Variants in NT5DC1 observed in about 807,000 individuals in gnomAD.
The protein encoded by NT5DC1 is 5'-nucleotidase domain containing 1.
In NT5DC1, 42 loss-of-function variants were observed where a neutral mutation model predicts 59.4. The observed-to-expected ratio is 0.71, with a 90% CI of 0.55 to 0.92. The LOEUF (loss-of-function observed/expected upper bound fraction) is 0.92, where lower values mean the gene tolerates loss of function less well. Among genes scored for constraint, NT5DC1 ranks in the 40% least tolerant of loss-of-function variants. NT5DC1 has a pLI of 0.00. For synonymous variants in NT5DC1, 172 were observed against 188.1 expected (o/e 0.91, Z 0.70); for missense variants, 501 against 537.1 (o/e 0.93, Z 0.66).
At position 116,236,980 on chromosome 6, in the gene NT5DC1, C is replaced by G. The variant is rs908702885; in HGVS notation, c.817C>G (p.Gln273Glu). ...TGTATTTTCAGAGAATGATGAGGAG[C>G]AGGAGGCACTGCCATCTCTGGATAA... ...PFRTLENDEEQEALPSLDKPG... is the reference protein window; with the variant it reads ...PFRTLENDEEEEALPSLDKPG... Residue 273 changes from glutamine to glutamate, a missense_variant, in exon 9 of 12, where the codon CAG becomes GAG. By Grantham distance (29) the Gln-to-Glu change is conservative (BLOSUM62 2). Transcript: ENST00000319550. 5.0e-6 allele frequency: 8 copies of G among 1,597,016 alleles called. No homozygotes were observed. Among genetic ancestry groups the G allele is most frequent in the Non-Finnish European group, 6.9e-6 (8 of 1,164,670 alleles).
At chr6:116,170,955 T>C (rs1331747328) in intron 6 of NT5DC1, among the ~76,000 whole-genome samples, 1 of 152,196 alleles carries the variant, frequency 6.6e-6, no homozygotes, top group Non-Finnish European at 1.5e-5. Flanking sequence ...CATTCTGTAT[T>C]TGACCTGCCC....
chr6:116,143,943 C>T (rs1226491526), intron 6 of NT5DC1, among the ~76,000 whole-genome samples: 6 of 152,088 alleles, frequency 3.9e-5, no homozygotes, highest in Non-Finnish European at 5.9e-5. Flanking sequence ...TAATAAAGAA[C>T]TGATGTGAGT....
At chr6:116,114,517 T>A (rs1778929351) in intron 4 of NT5DC1, among the ~76,000 whole-genome samples, 1 of 108,598 alleles carries the variant, frequency 9.2e-6, no homozygotes, top group African/African-American at 3.6e-5. Flanking sequence ...CTCATATACA[T>A]AGCTTGCAAA....
chr6:116,227,424 A>G (rs965192990), intron 8 of NT5DC1, among the ~76,000 whole-genome samples: 32 of 152,188 alleles, frequency 2.1e-4, no homozygotes, highest in African/African-American at 7.7e-4. Context: ...TGCTGTAATG[A>G]ACATGGGAGT....
At position 116,128,083 on chromosome 6, in the gene NT5DC1, C is replaced by CA. The variant is rs546837330; in HGVS notation, c.529+10145dup. On this transcript the variant is annotated intron_variant, in intron 6 of 11. Coordinates refer to ENST00000319550, the MANE Select transcript of NT5DC1 (RefSeq NM_152729.3). ...CTCCAGTTAGTACTTATTAGAGACA[C>CA]AAAAAAATCCATACCAGGAGGTTGT... 2.6e-3 allele frequency among the ~76,000 whole-genome samples: 399 copies of CA among 152,104 alleles called. 10 individuals carry two copies. The South Asian group carries it at 0.043, about 17-fold the overall frequency.
At chr6:116,143,426 A>G (rs1486035491) in intron 6 of NT5DC1, among the ~76,000 whole-genome samples, 2 of 152,030 alleles carry the variant, frequency 1.3e-5, no homozygotes, top group African/African-American at 4.8e-5. Context: ...GTTGGCCAGG[A>G]TGGTCTTGAT....
intron 8 of NT5DC1, among the ~76,000 whole-genome samples, chr6:116,228,947 G>T (rs1346495506): frequency 2.0e-5 from 3 of 152,112 alleles, no homozygotes; most frequent in Non-Finnish European, 2.9e-5. Context: ...ATATACTGAT[G>T]GTTGACATTT....
At chr6:116,189,302 T>C (rs1781069623) in intron 6 of NT5DC1, among the ~76,000 whole-genome samples, 1 of 151,926 alleles carries the variant, frequency 6.6e-6, no homozygotes, top group Non-Finnish European at 1.5e-5. Context: ...GTATATTTTT[T>C]CCCTCATTTT....
intron 6 of NT5DC1, among the ~76,000 whole-genome samples, chr6:116,140,832 C>G (rs990356371): frequency 7.9e-5 from 12 of 152,106 alleles, no homozygotes; most frequent in African/African-American, 2.4e-4. Context: ...TCATTTTTCA[C>G]TGCTCTGTAG....
intron 6 of NT5DC1, among the ~76,000 whole-genome samples, chr6:116,162,136 G>T (rs1436623246): frequency 6.6e-6 from 1 of 152,120 alleles, no homozygotes; most frequent in African/African-American, 2.4e-5. Context: ...TGTATCCTGA[G>T]ACTTTAGCAA....
At chr6:116,205,723 T>C (rs1251317107) in intron 6 of NT5DC1, among the ~76,000 whole-genome samples, 1 of 152,026 alleles carries the variant, frequency 6.6e-6, no homozygotes, top group Non-Finnish European at 1.5e-5. Flanking sequence ...TTTTCACTAA[T>C]TGTATTTACA....
At chr6:116,221,403 A>G (rs1025350000) in intron 7 of NT5DC1, among the ~76,000 whole-genome samples, 175 bp downstream of exon 7, 3 of 152,174 alleles carry the variant, frequency 2.0e-5, no homozygotes, top group African/African-American at 4.8e-5. Context: ...CAGCCCAACC[A>G]AGTACATTTT....
intron 8 of NT5DC1, among the ~76,000 whole-genome samples, chr6:116,226,887 A>C (rs1033818780): frequency 6.6e-6 from 1 of 152,112 alleles, no homozygotes; most frequent in Non-Finnish European, 1.5e-5. Flanking sequence ...TATGTTGTAC[A>C]ACATGGTATT....
At chr6:116,121,260 C>T (rs763133024) in intron 6 of NT5DC1, 10 of 1,613,800 alleles carry the variant, frequency 6.2e-6, no homozygotes, top group African/African-American at 1.3e-5. Flanking sequence ...ATTCCTGGAG[C>T]CCCAGGGAGA....
intron 8 of NT5DC1, among the ~76,000 whole-genome samples, chr6:116,230,645 T>C (rs1782000982): frequency 6.6e-6 from 1 of 152,228 alleles, no homozygotes; most frequent in Non-Finnish European, 1.5e-5. Context: ...GCCTTCTCCC[T>C]TTCCTCTCTG....
intron 6 of NT5DC1, among the ~76,000 whole-genome samples, chr6:116,135,636 T>G (rs1372920184): frequency 6.6e-6 from 1 of 151,620 alleles, no homozygotes. Flanking sequence ...CTAGACTCAT[T>G]GGACTTTAAT....
chr6:116,204,331 A>G (rs933807922), intron 6 of NT5DC1, among the ~76,000 whole-genome samples: 16 of 151,976 alleles, frequency 1.1e-4, no homozygotes, highest in African/African-American at 3.6e-4. Flanking sequence ...GTAGAAATGT[A>G]AAAGGGATGA....
At chr6:116,190,526 C>T (rs768246365) in intron 6 of NT5DC1, among the ~76,000 whole-genome samples, 17 of 152,062 alleles carry the variant, frequency 1.1e-4, no homozygotes, top group Non-Finnish European at 2.4e-4. Flanking sequence ...CCCCCCACCT[C>T]CCATCACATT....
rs533121789 is a variant in NT5DC1, at chr6:116,100,969, C to T, written c.39C>T (p.Val13=). ...QHFSLAACDV[V]GFDLDHTLCR... is the part of the protein sequence containing the mutation. Reference sequence around the variant, plus strand: ...TCTCCCTGGCCGCCTGCGACGTGGTCGGATTCGACCTGGACCACACTCTGT... The same window carrying T: ...TCTCCCTGGCCGCCTGCGACGTGGTTGGATTCGACCTGGACCACACTCTGT... Residue 13 remains valine (V), a synonymous_variant, in exon 1 of 12, where the codon GTC becomes GTT. Transcript: ENST00000319550. 1 of 1,604,948 alleles carries T rather than the reference C, an allele frequency of 6.2e-7. No individual in the cohort carries two copies. Among genetic ancestry groups the T allele is most frequent in the South Asian group, 1.1e-5 (1 of 90,110 alleles).
Sources: gnomAD v4.1 joint callset for allele counts (sites outside exome capture counted in the v4.1 genomes callset) on GRCh38, gnomAD v4.1.1 for gene constraint, MANE v1.5 for transcripts, NCBI Gene and HGNC (gene_info 2026-07-23, HGNC 2026-07-21) for gene names.